Variants in RANBP10 observed in about 807,000 individuals in gnomAD.
RANBP10 encodes the protein ran-binding protein 10.
Under a neutral mutation model 72.8 loss-of-function variants are expected in RANBP10, and 24 were observed. The ratio of observed to expected loss-of-function variants is 0.33; its 90% CI spans 0.24 to 0.46. RANBP10 has a LOEUF of 0.46. Among genes scored for constraint, RANBP10 ranks in the 20% least tolerant of loss-of-function variants. RANBP10 has a pLI of 1.00. For synonymous variants in RANBP10, 310 were observed against 322.3 expected (o/e 0.96, Z 0.41); for missense variants, 679 against 817.5 (o/e 0.83, Z 2.07).
chr16:67,768,946 T>TC (rs1465713818), intron 3 of RANBP10, among the ~76,000 whole-genome samples: 1 of 152,238 alleles, frequency 6.6e-6, no homozygotes, highest in Non-Finnish European at 1.5e-5. Flanking sequence ...CAGTCCTGGC[T>TC]CCCGCCACCC....
At chr16:67,754,173 G>A (rs912503066) in intron 3 of RANBP10, among the ~76,000 whole-genome samples, 1 of 151,870 alleles carries the variant, frequency 6.6e-6, no homozygotes, top group Non-Finnish European at 1.5e-5. Flanking sequence ...ATGGGTGGAA[G>A]GAACAGGCCC....
chr16:67,754,544 C>T (rs75154083), intron 3 of RANBP10, among the ~76,000 whole-genome samples: 7,120 of 152,220 alleles, frequency 0.047, 469 homozygotes, highest in African/African-American at 0.15. Context: ...GAACCTGCTC[C>T]CCAGGCCTTG....
At chr16:67,749,898 G>A (rs1170125154) in intron 3 of RANBP10, among the ~76,000 whole-genome samples, 2 of 152,158 alleles carry the variant, frequency 1.3e-5, no homozygotes, top group African/African-American at 2.4e-5. Context: ...GGTGGCCCCA[G>A]GCATGCCCAC....
chr16:67,743,882 G>A (rs1359340814), intron 4 of RANBP10, among the ~76,000 whole-genome samples: 5 of 152,146 alleles, frequency 3.3e-5, no homozygotes, highest in Admixed American at 2.6e-4. Context: ...TTTACCTCCT[G>A]GACTAGTGCC....
At chr16:67,788,839 A>G (rs1440794996) in intron 2 of RANBP10, among the ~76,000 whole-genome samples, 1 of 150,932 alleles carries the variant, frequency 6.6e-6, no homozygotes, top group Non-Finnish European at 1.5e-5. Flanking sequence ...ATCTCTACTG[A>G]AAATACAAAA....
intron 2 of RANBP10, among the ~76,000 whole-genome samples, chr16:67,780,569 A>G (rs1451239911): frequency 6.6e-6 from 1 of 152,106 alleles, no homozygotes; most frequent in Non-Finnish European, 1.5e-5. Context: ...ACAACATAAC[A>G]AGACCACCTC....
At position 67,791,045 on chromosome 16, in the gene RANBP10, G is replaced by C. The variant is rs577741090; in HGVS notation, c.347+14383C>G. The stretch of plus-strand genomic sequence containing the variant: ...TTTTTTTTTTTTGAGACAGAGTCTC[G>C]CTCTGTCGCCCAGGCTGGAGTGCAT... On this transcript the variant is annotated intron_variant, in intron 2 of 13. Coordinates refer to ENST00000317506, the MANE Select transcript of RANBP10 (RefSeq NM_020850.3). 3.8e-3 allele frequency among the ~76,000 whole-genome samples: 517 copies of C among 137,546 alleles called. 8 individuals are homozygous for C. Among genetic ancestry groups the C allele is most frequent in the African/African-American group, 0.013 (483 of 36,426 alleles). The allele number at this position is 137,546 out of a possible 152,430, so 90.2% of individuals were successfully genotyped here. A position where few individuals can be genotyped will look rare whatever the true frequency, so the allele number is the denominator to read the frequency against.
chr16:67,800,477 C>T (rs554737230), intron 2 of RANBP10, among the ~76,000 whole-genome samples: 2 of 152,210 alleles, frequency 1.3e-5, no homozygotes, highest in Non-Finnish European at 1.5e-5. Context: ...CTCCATGTGT[C>T]ATCACTAAGA....
chr16:67,748,297 A>C (rs1017779430), intron 3 of RANBP10, among the ~76,000 whole-genome samples: 5 of 151,772 alleles, frequency 3.3e-5, no homozygotes, highest in Middle Eastern at 3.4e-3. Flanking sequence ...AGGCAGGAGG[A>C]CTGCTTGAGC....
At chr16:67,763,904 C>T (rs1046554590) in intron 3 of RANBP10, among the ~76,000 whole-genome samples, 1 of 152,144 alleles carries the variant, frequency 6.6e-6, no homozygotes, top group Admixed American at 6.6e-5. Flanking sequence ...ACCATGTTGG[C>T]CAGGCTAGTC....
Position 67,759,008 on chromosome 16 carries a change from G to T in RANBP10, c.400+13026C>A, listed in dbSNP as rs189614507. 1.3e-3 allele frequency among the ~76,000 whole-genome samples: 192 copies of T among 152,372 alleles called. 1 individual carries two copies. Among genetic ancestry groups the T allele is most frequent in the African/African-American group, 4.4e-3 (181 of 41,600 alleles). On this transcript the variant is annotated intron_variant, in intron 3 of 13. Transcript: ENST00000317506. ...GGTGCTGCCAGCCCAGGGAGGAGTG[G>T]CAGGGAAGCAGAGAGCAAATTATCT...
chr16:67,783,319 A>G (rs766216067), intron 2 of RANBP10, among the ~76,000 whole-genome samples: 2 of 152,174 alleles, frequency 1.3e-5, no homozygotes, highest in African/African-American at 4.8e-5. Flanking sequence ...CACCTCCCAG[A>G]TATGTACAAG....
chr16:67,778,606 T>C (rs575601902), intron 2 of RANBP10, among the ~76,000 whole-genome samples: 1 of 152,064 alleles, frequency 6.6e-6, no homozygotes, highest in Non-Finnish European at 1.5e-5. Context: ...GTTCCAGCAA[T>C]GTGGGAGGCT....
intron 2 of RANBP10, among the ~76,000 whole-genome samples, chr16:67,773,964 G>A (rs1442318279): frequency 6.6e-6 from 1 of 152,242 alleles, no homozygotes; most frequent in East Asian, 1.9e-4. Context: ...GTCTTAGCCT[G>A]CTGGCAGAAT....
intron 2 of RANBP10, among the ~76,000 whole-genome samples, chr16:67,777,714 T>C (rs1478758549): frequency 2.0e-5 from 3 of 152,164 alleles, no homozygotes; most frequent in Non-Finnish European, 4.4e-5. Context: ...ATATACAGAT[T>C]CAAGGCCATC....
At chr16:67,742,567 C>T (rs944125182) in intron 4 of RANBP10, among the ~76,000 whole-genome samples, 1 of 152,196 alleles carries the variant, frequency 6.6e-6, no homozygotes, top group Non-Finnish European at 1.5e-5. Context: ...AAGTGGCCAT[C>T]TGCTCTCTAT....
rs2055194406 is a variant in RANBP10, at chr16:67,799,419, C to T, written c.347+6009G>A. Among the ~76,000 whole-genome samples the T allele has an allele frequency of 2.6e-5, 4 of 151,696 alleles. No individual in the cohort carries two copies. The South Asian group carries it at 8.3e-4, about 32-fold the overall frequency. ...TCTCCTGCCTCAGCCTCCCGAGTAG[C>T]TGGGACTACAGGCGCCCGCCACCAT... On this transcript the variant is annotated intron_variant, in intron 2 of 13. Transcript: ENST00000317506.
At position 67,729,671 on chromosome 16, in the gene RANBP10, G is replaced by A. The variant is rs1415478166; in HGVS notation, c.1147+9C>T. On this transcript the variant is annotated intron_variant, in intron 9 of 13. Coordinates refer to ENST00000317506, the MANE Select transcript of RANBP10 (RefSeq NM_020850.3). The surrounding 1 kb of genome is among the most constrained non-coding windows in gnomAD (Gnocchi z 7.1). Reference sequence around the variant, plus strand: ...AGTTCTTCCCAGAGCCCTCTGGAGAGTGGCTGACCTGTGTTGTGCATGTGG... The same window carrying A: ...AGTTCTTCCCAGAGCCCTCTGGAGAATGGCTGACCTGTGTTGTGCATGTGG... The A allele has an allele frequency of 1.2e-6, 2 of 1,606,566 alleles. No individual in the cohort carries two copies. The highest frequency in any genetic ancestry group is 1.7e-6 in the Non-Finnish European group (2 of 1,176,202).
intron 2 of RANBP10, among the ~76,000 whole-genome samples, chr16:67,775,813 A>C (rs1301697376): frequency 7.0e-6 from 1 of 142,260 alleles, no homozygotes; most frequent in Non-Finnish European, 1.5e-5. Flanking sequence ...AAAAAAAAAA[A>C]CTGGAAAGAA....
Sources: allele counts gnomAD v4.1 joint callset (sites outside exome capture counted in the v4.1 genomes callset), GRCh38; gene constraint gnomAD v4.1.1; non-coding constraint Gnocchi (gnomAD v3.1); transcripts MANE v1.5; gene names NCBI Gene and HGNC (gene_info 2026-07-23, HGNC 2026-07-21).